The following FMO1 variants were observed in gnomAD, a reference collection of about 807,000 sequenced individuals.
FMO1 encodes the protein flavin-containing monooxygenase 1.
Under a neutral mutation model 45.4 loss-of-function variants are expected in FMO1, and 36 were observed. That is an observed-to-expected ratio of 0.79 (90% CI 0.61 to 1.05). FMO1 has a LOEUF of 1.05. FMO1 is among the 50% of genes least tolerant of loss of function. The pLI is 0.00. For synonymous variants in FMO1, 228 were observed against 227.2 expected, an observed-to-expected ratio of 1.00 and a Z score of -0.03; for missense variants, 615 against 640.3, an observed-to-expected ratio of 0.96 and a Z score of 0.43.
chr1:171,265,450 T>C (rs1045418416), intron 2 of FMO1, among the ~76,000 whole-genome samples: 10 of 147,320 alleles, frequency 6.8e-5, no homozygotes, highest in African/African-American at 2.5e-4. Flanking sequence ...AAAATGAAAA[T>C]GACACAAACA....
rs150820926 is a variant in FMO1 at position 171,267,768 on chromosome 1, T to C, written c.321+37T>C. ...AACATCAGTTAGTAGTCAGAAAGTATTTCCTACCTATTTTCTCTTATCTCT... is the reference window on the plus strand; with the variant it reads ...AACATCAGTTAGTAGTCAGAAAGTACTTCCTACCTATTTTCTCTTATCTCT... On this transcript the variant is annotated intron_variant, in intron 3 of 8. Coordinates refer to ENST00000617670, the MANE Select transcript of FMO1 (RefSeq NM_001282693.2). The C allele has an allele frequency of 9.3e-6, 14 of 1,502,738 alleles. No homozygotes were observed. The African/African-American group carries it at 1.8e-4, about 19-fold the overall frequency. 93.1% of individuals were successfully genotyped at this position (1,502,738 alleles called of 1,614,324 possible).
rs552787704 is a variant in FMO1, at chr1:171,276,409, G to A, written c.484+901G>A. On this transcript the variant is annotated intron_variant, in intron 4 of 8. Transcript: ENST00000617670. ...CAGGAAATTATTTTTCAGCAATTCT[G>A]AGAGAGGCTCCATAGCCTCTTCTTG... 2.0e-5 allele frequency among the ~76,000 whole-genome samples: 3 copies of A among 152,256 alleles called. No homozygotes were observed. In the South Asian group the frequency reaches 6.2e-4, roughly 32 times the overall value.
chr1:171,261,102 G>A (rs1445318464), intron 2 of FMO1, among the ~76,000 whole-genome samples: 2 of 152,040 alleles, frequency 1.3e-5, no homozygotes, highest in Non-Finnish European at 2.9e-5. Context: ...AGCTGAATTA[G>A]TAACGGGCTT....
chr1:171,266,779 T>C (rs1225978860), intron 2 of FMO1, among the ~76,000 whole-genome samples: 1 of 152,192 alleles, frequency 6.6e-6, no homozygotes, highest in Non-Finnish European at 1.5e-5. Flanking sequence ...TACAAGAACC[T>C]TGCCACTGAA....
In FMO1 at chr1:171,285,705, AG is replaced by A; in HGVS notation, c.*162del. On this transcript the variant is annotated 3_prime_UTR_variant, in exon 9 of 9. Coordinates refer to ENST00000617670, the MANE Select transcript of FMO1 (RefSeq NM_001282693.2). Reference sequence around the variant, plus strand: ...CCCAGGGCTACCACTGGTATTCCTGAGCCTCTCCCAGCTCCACTTCTAATGC... The same window carrying A: ...CCCAGGGCTACCACTGGTATTCCTGACCTCTCCCAGCTCCACTTCTAATGC... 2.4e-6 allele frequency: 1 copy of A among 421,148 alleles called. No individual in the cohort carries two copies. Among genetic ancestry groups the A allele is most frequent in the Non-Finnish European group, 4.1e-6 (1 of 241,422 alleles). The allele number at this position is 421,148 out of a possible 1,614,324, so 26.1% of individuals were successfully genotyped here.
At position 171,278,784 on chromosome 1, in the gene FMO1, T is replaced by C. The variant is rs778509179; in HGVS notation, c.540T>C (p.Asp180=). 1.2e-6 allele frequency: 2 copies of C among 1,612,150 alleles called. No individual in the cohort carries two copies. The highest frequency in any genetic ancestry group is 2.7e-5 in the African/African-American group (2 of 74,976). The change falls in exon 5 of 9, where the codon GAT becomes GAC. Residue 180 remains aspartate (D), a synonymous_variant. Coordinates refer to ENST00000617670, the MANE Select transcript of FMO1 (RefSeq NM_001282693.2). ...ATAGCCGGCAATATAAGCATCCAGA[T>C]ATATTTAAGGACAAGAGAGTCCTTG... ...YFHSRQYKHP[D]IFKDKRVLVI...
chr1:171,272,816 C>T (rs1480701778), intron 3 of FMO1, among the ~76,000 whole-genome samples: 1 of 152,152 alleles, frequency 6.6e-6, no homozygotes, highest in Non-Finnish European at 1.5e-5. Context: ...TTTACAGGCT[C>T]ATAGGTGGAA....
In FMO1 at chr1:171,280,871, G is replaced by A. The variant is rs141233517; in HGVS notation, c.713G>A (p.Arg238His). 1.6e-5 allele frequency: 26 copies of A among 1,613,802 alleles called. No homozygotes were observed. Among genetic ancestry groups the A allele is most frequent in the East Asian group, 2.2e-5 (1 of 44,880 alleles). The change falls in exon 6 of 9, where the codon CGC becomes CAC. Residue 238 changes from arginine to histidine, a missense_variant. Physicochemically the swap from Arg to His is conservative, Grantham distance 29 (BLOSUM62 0). Transcript: ENST00000617670. ...CCATGGGACATGGTGTTCATGACAC[G>A]CTTTCAGAACATGTTGAGAAATTCC... The part of the protein sequence containing the change: ...GYPWDMVFMT[R>H]FQNMLRNSLP...
chr1:171,264,603 A>G (rs911244329), intron 2 of FMO1, among the ~76,000 whole-genome samples: 1 of 151,988 alleles, frequency 6.6e-6, no homozygotes, highest in Non-Finnish European at 1.5e-5. Context: ...TAAATGCACA[A>G]TCTCGGACAG....
rs573832248 is a variant in FMO1, at chr1:171,285,902, T to C, written c.*358T>C. On this transcript the variant is annotated 3_prime_UTR_variant, in exon 9 of 9. Transcript: ENST00000617670. ...CCCCTTACTTCACAAATGATTGTGTTGTGCTGAAATGGTGCTCTTATAGTA... is the reference window on the plus strand; with the variant it reads ...CCCCTTACTTCACAAATGATTGTGTCGTGCTGAAATGGTGCTCTTATAGTA... 7.5e-4 allele frequency: 128 copies of C among 171,050 alleles called. 1 individual carries two copies. Among genetic ancestry groups the C allele is most frequent in the African/African-American group, 2.9e-3 (121 of 42,380 alleles). The allele number at this position is 171,050 out of a possible 1,614,324, so 10.6% of individuals were successfully genotyped here. A position where few individuals can be genotyped will look rare whatever the true frequency, so the allele number is the denominator to read the frequency against.
At chr1:171,259,340 G>A (rs939803276) in intron 2 of FMO1, among the ~76,000 whole-genome samples, 1 of 152,184 alleles carries the variant, frequency 6.6e-6, no homozygotes, top group African/African-American at 2.4e-5. Context: ...CACCAAATGT[G>A]ATCATCAATG....
intron 2 of FMO1, among the ~76,000 whole-genome samples, chr1:171,262,927 CA>C (rs1660436668): frequency 6.6e-6 from 1 of 152,102 alleles, no homozygotes; most frequent in African/African-American, 2.4e-5. Context: ...AAATGGGTGC[CA>C]GCTGTTTTAA....
chr1:171,256,810 A>C (rs1019769072), intron 1 of FMO1, among the ~76,000 whole-genome samples: 2 of 152,332 alleles, frequency 1.3e-5, no homozygotes, highest in Non-Finnish European at 2.9e-5. Flanking sequence ...CCTGTGAAAT[A>C]AAAAATAGCA....
intron 8 of FMO1, 44 bp from the exon 9 acceptor site, chr1:171,285,158 G>A: frequency 7.5e-7 from 1 of 1,331,834 alleles, no homozygotes; most frequent in Non-Finnish European, 1.0e-6. Context: ...AAGATTATCA[G>A]TTTTTTTGTC....
chr1:171,276,804 G>A (rs1437530620), intron 4 of FMO1, among the ~76,000 whole-genome samples: 1 of 152,078 alleles, frequency 6.6e-6, no homozygotes, highest in Admixed American at 6.6e-5. Context: ...AGTCACACAA[G>A]TTTACATCAG....
At chr1:171,254,400 T>C (rs972357459) in intron 1 of FMO1, among the ~76,000 whole-genome samples, 14 of 152,132 alleles carry the variant, frequency 9.2e-5, no homozygotes, top group African/African-American at 3.4e-4. Context: ...GAGTTAATTT[T>C]TAAATTGAAA....
chr1:171,269,789 G>A, intron 3 of FMO1, among the ~76,000 whole-genome samples: 1 of 152,160 alleles, frequency 6.6e-6, no homozygotes, highest in East Asian at 1.9e-4. Context: ...AAATTTAAGT[G>A]TCTTCTTTCC....
chr1:171,264,141 C>T (rs1315612467), intron 2 of FMO1, among the ~76,000 whole-genome samples: 3 of 151,984 alleles, frequency 2.0e-5, no homozygotes, highest in African/African-American at 7.3e-5. Context: ...CATCTTTCTG[C>T]CTTGAAAATT....
chr1:171,273,295 T>G (rs1660949498), intron 3 of FMO1, among the ~76,000 whole-genome samples: 1 of 152,216 alleles, frequency 6.6e-6, no homozygotes, highest in Non-Finnish European at 1.5e-5. Flanking sequence ...CAGTCTCTAG[T>G]CTGTCTTTAT....
Sources: allele counts gnomAD v4.1 joint callset (sites outside exome capture counted in the v4.1 genomes callset), GRCh38; gene constraint gnomAD v4.1.1; transcripts MANE v1.5; gene names NCBI Gene and HGNC (gene_info 2026-07-23, HGNC 2026-07-21).